The following MVB12B variants were observed in gnomAD, a reference collection of about 807,000 sequenced individuals.
The protein encoded by MVB12B is ESCRT-I complex subunit MVB12B.
MVB12B carries 16 observed loss-of-function variants against 41.6 expected under a neutral mutation model. That is an observed-to-expected ratio of 0.38 (90% CI 0.26 to 0.58). MVB12B has a LOEUF of 0.58. MVB12B is among the 20% of genes least tolerant of loss of function. The probability of loss-of-function intolerance (pLI) is 0.62; values close to 1 mark genes in which losing one functional copy is unlikely to be tolerated. For synonymous variants in MVB12B, 133 were observed against 139.7 expected (o/e 0.95, Z 0.34); for missense variants, 274 against 380.2 (o/e 0.72, Z 2.32).
At chr9:126,410,140 T>TG (rs1260700142) in intron 6 of MVB12B, among the ~76,000 whole-genome samples, 4 of 82,630 alleles carry the variant, frequency 4.8e-5, no homozygotes, top group Non-Finnish European at 1.1e-4. Context: ...GTGATTTGGT[T>TG]TTGTGTGTGT....
At chr9:126,418,653 C>T (rs577679050) in intron 6 of MVB12B, among the ~76,000 whole-genome samples, 6 of 152,304 alleles carry the variant, frequency 3.9e-5, no homozygotes, top group South Asian at 4.2e-4. Context: ...CTGGGCTCCA[C>T]GTGGCCTGGC....
chr9:126,352,221 G>A (rs1338045784), intron 2 of MVB12B, among the ~76,000 whole-genome samples: 1 of 152,076 alleles, frequency 6.6e-6, no homozygotes, highest in African/African-American at 2.4e-5. Context: ...TGTCTGTCTG[G>A]CTTGGTAATA....
At chr9:126,464,530 G>A (rs891084148) in intron 7 of MVB12B, among the ~76,000 whole-genome samples, 8 of 152,198 alleles carry the variant, frequency 5.3e-5, no homozygotes, top group Admixed American at 4.6e-4. Flanking sequence ...AATGGTACAC[G>A]AGGTCTGCAC....
chr9:126,460,886 G>T (rs1216061419), intron 7 of MVB12B, among the ~76,000 whole-genome samples: 1 of 152,176 alleles, frequency 6.6e-6, no homozygotes, highest in Non-Finnish European at 1.5e-5. Flanking sequence ...TCCCTCATGG[G>T]GTTGCCTTGA....
intron 9 of MVB12B, among the ~76,000 whole-genome samples, chr9:126,500,089 T>C (rs572091320): frequency 6.6e-6 from 1 of 152,300 alleles, no homozygotes; most frequent in Non-Finnish European, 1.5e-5. Context: ...CTAGGCTCTC[T>C]GGCTGTGGAC....
chr9:126,374,832 G>A lies in MVB12B; in HGVS notation c.205-6232G>A, dbSNP rs576268013. 5.1e-4 allele frequency among the ~76,000 whole-genome samples: 77 copies of A among 152,266 alleles called. 1 individual carries two copies. The highest frequency in any genetic ancestry group is 4.4e-3 in the South Asian group (21 of 4,820). ...CGGCAGCTTGCCTAAAAGAAATAACGAATTATCATACTATCTTCCATGAGA... is the reference window on the plus strand; with the variant it reads ...CGGCAGCTTGCCTAAAAGAAATAACAAATTATCATACTATCTTCCATGAGA... On this transcript the variant is annotated intron_variant, in intron 2 of 9. Transcript: ENST00000361171.
At chr9:126,415,499 A>G (rs898094289) in intron 6 of MVB12B, among the ~76,000 whole-genome samples, 2 of 152,192 alleles carry the variant, frequency 1.3e-5, no homozygotes, top group Non-Finnish European at 2.9e-5. Context: ...TTTTGGCTTT[A>G]TAAGTAGTGC....
chr9:126,494,068 C>T (rs1310899148), intron 9 of MVB12B, among the ~76,000 whole-genome samples: 2 of 152,046 alleles, frequency 1.3e-5, no homozygotes, highest in African/African-American at 2.4e-5. Context: ...CATAGTGCTG[C>T]GTTTTGACTT....
rs144237703 is a variant in MVB12B, at chr9:126,397,385, G to A, written c.662+1688G>A. ...ACACCGAGCCACCGGCAGCCTGGTG[G>A]GTTTGGAGGGTAGTGCGTCAGAACC... On this transcript the variant is annotated intron_variant, in intron 6 of 9. Transcript: ENST00000361171. 8.0e-3 allele frequency: 7,929 copies of A among 985,412 alleles called. 43 individuals are homozygous for A. Among genetic ancestry groups the A allele is most frequent in the Non-Finnish European group, 8.9e-3 (7,418 of 829,924 alleles). 61.0% of individuals were successfully genotyped at this position (985,412 alleles called of 1,614,324 possible). A position where few individuals can be genotyped will look rare whatever the true frequency, so the allele number is the denominator to read the frequency against.
intron 9 of MVB12B, among the ~76,000 whole-genome samples, chr9:126,487,179 C>T (rs927990191): frequency 3.3e-5 from 5 of 152,156 alleles, no homozygotes; most frequent in African/African-American, 1.2e-4. Context: ...TTTTTCTGCA[C>T]GATCAGGATA....
intron 2 of MVB12B, among the ~76,000 whole-genome samples, chr9:126,359,419 C>G (rs1829969989): frequency 6.6e-6 from 1 of 152,078 alleles, no homozygotes; most frequent in African/African-American, 2.4e-5. Context: ...GTCTCATATA[C>G]TGAGTTGAGA....
At position 126,503,601 on chromosome 9, in the gene MVB12B, G is replaced by T. The variant is rs889251438; in HGVS notation, c.*338G>T. 2.9e-6 allele frequency: 1 copy of T among 349,836 alleles called. No individual in the cohort carries two copies. The highest frequency in any genetic ancestry group is 4.6e-5 in the Admixed American group (1 of 21,788). 21.7% of individuals were successfully genotyped at this position (349,836 alleles called of 1,614,324 possible). ...AGGGCCCCGGGCAGTTGCCCTGGCC[G>T]CCCAGTGACGCCCACCGGCTCCCTC... On this transcript the variant is annotated 3_prime_UTR_variant, in exon 10 of 10. Transcript: ENST00000361171.
chr9:126,396,603 G>A (rs375879527), intron 6 of MVB12B: 5 of 985,478 alleles, frequency 5.1e-6, no homozygotes, highest in Non-Finnish European at 4.8e-6. Context: ...CCAGCTCTCT[G>A]TACTCTGTTC....
intron 7 of MVB12B, among the ~76,000 whole-genome samples, chr9:126,469,472 C>T (rs934114300): frequency 2.0e-5 from 3 of 152,212 alleles, no homozygotes; most frequent in Non-Finnish European, 2.9e-5. Flanking sequence ...AGAGAAAGTG[C>T]GTCTTCCAAG....
At position 126,395,681 on chromosome 9, in the gene MVB12B, G is replaced by A. The variant is rs749819404; in HGVS notation, c.646G>A (p.Ala216Thr). The A allele has an allele frequency of 4.3e-6, 7 of 1,614,014 alleles. No homozygotes were observed. The highest frequency in any genetic ancestry group is 5.9e-6 in the Non-Finnish European group (7 of 1,179,944). ...CCAGTCATCAGCTGCCTCCACCCCA[G>A]CCCCCAACCTTCCCAGGTGAGGCCT... Reference protein sequence around the residue: ...PSQSSAASTPAPNLPRHISLT... With the variant: ...PSQSSAASTPTPNLPRHISLT... The change falls in exon 6 of 10, where the codon GCC becomes ACC. Residue 216 changes from alanine to threonine, a missense_variant. Physicochemically the swap from Ala to Thr is moderately conservative, Grantham distance 58. Coordinates refer to ENST00000361171, the MANE Select transcript of MVB12B (RefSeq NM_033446.3). The surrounding 1 kb of genome is among the most constrained non-coding windows in gnomAD (Gnocchi z 4.9).
chr9:126,330,564 A>G (rs190856190), intron 1 of MVB12B, among the ~76,000 whole-genome samples: 53 of 152,168 alleles, frequency 3.5e-4, no homozygotes, highest in Admixed American at 5.9e-4. Flanking sequence ...ACTTCTTCTT[A>G]CTGAAATTAG....
chr9:126,464,377 C>T (rs1354521695), intron 7 of MVB12B, among the ~76,000 whole-genome samples: 2 of 152,278 alleles, frequency 1.3e-5, no homozygotes, highest in East Asian at 1.9e-4. Flanking sequence ...TAGCTAAATC[C>T]TAAAGTGTAG....
chr9:126,327,290 C>T lies in MVB12B; in HGVS notation c.81+280C>T, dbSNP rs935232194. On this transcript the variant is annotated intron_variant, in intron 1 of 9. Transcript: ENST00000361171. Reference sequence around the variant, plus strand: ...GAGTGCCAGCAGCGCCCCCAAGGCCCGGGCAGGTGAGGGGCGCCGAGAGCC... The same window carrying T: ...GAGTGCCAGCAGCGCCCCCAAGGCCTGGGCAGGTGAGGGGCGCCGAGAGCC... The T allele has an allele frequency of 5.4e-5, 53 of 985,174 alleles. No individual in the cohort carries two copies. The East Asian group carries it at 1.1e-3, about 21-fold the overall frequency. 61.0% of individuals were successfully genotyped at this position (985,174 alleles called of 1,614,324 possible).
intron 6 of MVB12B, among the ~76,000 whole-genome samples, chr9:126,404,101 G>A (rs1831348414): frequency 6.6e-6 from 1 of 151,758 alleles, no homozygotes; most frequent in African/African-American, 2.4e-5. Context: ...CTACAAACAT[G>A]TGCCACCACG....
Sources: allele counts gnomAD v4.1 joint callset (sites outside exome capture counted in the v4.1 genomes callset), GRCh38; gene constraint gnomAD v4.1.1; non-coding constraint Gnocchi (gnomAD v3.1); transcripts MANE v1.5; gene names NCBI Gene and HGNC (gene_info 2026-07-23, HGNC 2026-07-21).